Variants in BATF3 observed in about 807,000 individuals in gnomAD.
BATF3 encodes basic leucine zipper ATF-like transcription factor 3, also known as basic leucine zipper transcriptional factor ATF-like 3.
In BATF3, 8 loss-of-function variants were observed where a neutral mutation model predicts 16.1. The ratio of observed to expected loss-of-function variants is 0.50; its 90% CI spans 0.29 to 0.90. BATF3 has a LOEUF of 0.90. Among genes scored for constraint, BATF3 ranks in the 40% least tolerant of loss-of-function variants. BATF3 has a pLI of 0.08. For synonymous variants in BATF3, 74 were observed against 72.7 expected (o/e 1.02, Z -0.09); for missense variants, 139 against 167.0 (o/e 0.83, Z 0.92).
At chr1:212,698,537 C>T (rs1657183188) in intron 1 of BATF3, 1 of 152,160 alleles carries the variant, frequency 6.6e-6, no homozygotes, top group Non-Finnish European at 1.5e-5. Flanking sequence ...TCCTAAAGCT[C>T]CCAGCATACA....
chr1:212,697,102 C>T, intron 1 of BATF3, 37 bp from the exon 2 acceptor site: 2 of 1,546,838 alleles, frequency 1.3e-6, no homozygotes, highest in Non-Finnish European at 1.8e-6. Flanking sequence ...ATGTCGTGGC[C>T]CCTCGCCTTA....
chr1:212,694,426 T>C (rs1657078073), intron 2 of BATF3, among the ~76,000 whole-genome samples: 1 of 152,194 alleles, frequency 6.6e-6, no homozygotes, highest in Non-Finnish European at 1.5e-5. Flanking sequence ...CCTCTCTTTG[T>C]GACCCAATGG....
At chr1:212,691,247 T>G (rs1314164601) in intron 2 of BATF3, among the ~76,000 whole-genome samples, 1 of 151,804 alleles carries the variant, frequency 6.6e-6, no homozygotes, top group Non-Finnish European at 1.5e-5. Flanking sequence ...AAGAAAGAAG[T>G]AGGAACAGGC....
At chr1:212,687,215 T>A (rs569925429) in intron 2 of BATF3, among the ~76,000 whole-genome samples, 7 of 152,318 alleles carry the variant, frequency 4.6e-5, no homozygotes, top group African/African-American at 1.7e-4. Context: ...TTAAGTATGA[T>A]CCAGTGAGTT....
chr1:212,694,404 T>A (rs1022969551), intron 2 of BATF3, among the ~76,000 whole-genome samples: 1 of 152,020 alleles, frequency 6.6e-6, no homozygotes, highest in Admixed American at 6.5e-5. Flanking sequence ...AGGCAAGGCA[T>A]GAGATCTTCC....
intron 2 of BATF3, among the ~76,000 whole-genome samples, chr1:212,691,975 C>CG (rs1657009153): frequency 6.6e-6 from 1 of 152,256 alleles, no homozygotes; most frequent in African/African-American, 2.4e-5. Flanking sequence ...CCACAGTGGA[C>CG]TCTGAGGTCT....
chr1:212,689,389 G>T lies in BATF3; in HGVS notation c.196-2410C>A, dbSNP rs553571268. On this transcript the variant is annotated intron_variant, in intron 2 of 2. Coordinates refer to ENST00000243440, the MANE Select transcript of BATF3 (RefSeq NM_018664.3). The surrounding 1 kb of genome is among the most constrained non-coding windows in gnomAD (Gnocchi z 4.6). ...GTCTATCTGAGCCATTCCCCAGGCA[G>T]GTTCCCAGGGTGGTCTGGAGCACTC... Among the ~76,000 whole-genome samples the T allele has an allele frequency of 5.9e-5, 9 of 152,298 alleles. No individual in the cohort carries two copies. In the East Asian group the frequency reaches 1.7e-3, roughly 29 times the overall value.
rs549751227 is a variant in BATF3, at chr1:212,699,264, C to T, written c.90+409G>A. Reference sequence around the variant, plus strand: ...TCCATTCCCGCGGCAGCACCCCCCCCACCCGGGGGAATCCTGGAGGGGCTA... The same window carrying T: ...TCCATTCCCGCGGCAGCACCCCCCCTACCCGGGGGAATCCTGGAGGGGCTA... On this transcript the variant is annotated intron_variant, in intron 1 of 2. Transcript: ENST00000243440. This position sits in a 1 kb window ranked among gnomAD's most constrained non-coding sequence, Gnocchi z 4.4. Among the ~76,000 whole-genome samples, 4 of 152,170 alleles carry T rather than the reference C, an allele frequency of 2.6e-5. No individual in the cohort carries two copies. The highest frequency in any genetic ancestry group is 1.3e-4 in the Admixed American group (2 of 15,290).
chr1:212,696,926 G>T, intron 2 of BATF3, 35 bp downstream of exon 2: 1 of 1,524,468 alleles, frequency 6.6e-7, no homozygotes, highest in Non-Finnish European at 9.1e-7. Flanking sequence ...GAGGCTGTGT[G>T]GCTCTAAGGT....
At position 212,699,755 on chromosome 1, in the gene BATF3, T is replaced by C; in HGVS notation, c.8A>G (p.Gln3Arg). MS[Q>R]GLPAAGSVLQ... ...GACGCTGCCGGCGGCCGGGAGCCCT[T>C]GCGACATGCCGGGCGCTCCTCTGGC... Residue 3 changes from glutamine (Q) to arginine (R), a missense_variant, in exon 1 of 3, where the codon CAA becomes CGA. Gln to Arg is a conservative substitution (Grantham distance 43). Transcript: ENST00000243440. The surrounding 1 kb of genome is among the most constrained non-coding windows in gnomAD (Gnocchi z 4.4). 7.8e-7 allele frequency: 1 copy of C among 1,277,550 alleles called. No homozygotes were observed. Among genetic ancestry groups the C allele is most frequent in the Non-Finnish European group, 9.9e-7 (1 of 1,010,010 alleles). 79.1% of individuals were successfully genotyped at this position (1,277,550 alleles called of 1,614,324 possible). A position where few individuals can be genotyped will look rare whatever the true frequency, so the allele number is the denominator to read the frequency against.
At chr1:212,691,999 A>T (rs1053444656) in intron 2 of BATF3, among the ~76,000 whole-genome samples, 1 of 152,238 alleles carries the variant, frequency 6.6e-6, no homozygotes, top group Non-Finnish European at 1.5e-5. Context: ...GACACACGTT[A>T]AGAACTGCTT....
At chr1:212,691,597 A>G (rs1656999775) in intron 2 of BATF3, among the ~76,000 whole-genome samples, 1 of 152,274 alleles carries the variant, frequency 6.6e-6, no homozygotes, top group African/African-American at 2.4e-5. Flanking sequence ...TCTAAGCCAC[A>G]TGGGTGCTGC....
chr1:212,693,634 G>A (rs11119997), intron 2 of BATF3, among the ~76,000 whole-genome samples: 10,589 of 152,180 alleles, frequency 0.07, 471 homozygotes, highest in Non-Finnish European at 0.11. Flanking sequence ...TCTCTGGGTT[G>A]GAGAGCAGGC....
In BATF3 at chr1:212,699,695, G is replaced by A. The variant is rs1657224140; in HGVS notation, c.68C>T (p.Pro23Leu). 2 of 1,350,768 alleles carry A rather than the reference G, an allele frequency of 1.5e-6. No homozygotes were observed. The highest frequency in any genetic ancestry group is 1.9e-6 in the Non-Finnish European group (2 of 1,046,856). The allele number at this position is 1,350,768 out of a possible 1,614,324, so 83.7% of individuals were successfully genotyped here. ...QRSVAAPGNQPQPQPQQQSPE... is the reference protein window; with the variant it reads ...QRSVAAPGNQLQPQPQQQSPE... ...TACCTGCTGCTGCGGCTGCGGCTGC[G>A]GCTGGTTCCCGGGCGCCGCGACGCT... The change falls in exon 1 of 3, where the codon CCG becomes CTG. Residue 23 changes from proline to leucine, a missense_variant. Physicochemically the swap from Pro to Leu is moderately conservative, Grantham distance 98. Coordinates refer to ENST00000243440, the MANE Select transcript of BATF3 (RefSeq NM_018664.3). This position sits in a 1 kb window ranked among gnomAD's most constrained non-coding sequence, Gnocchi z 4.4.
chr1:212,696,937 G>A, intron 2 of BATF3, 24 bp downstream of exon 2: 1 of 1,589,716 alleles, frequency 6.3e-7, no homozygotes, highest in Non-Finnish European at 8.6e-7. Context: ...GCTCTAAGGT[G>A]GCTTGCCCCT....
rs1341317457 is a variant in BATF3, at chr1:212,689,810, GAC to G, written c.196-2833_196-2832del. On this transcript the variant is annotated intron_variant, in intron 2 of 2. Coordinates refer to ENST00000243440, the MANE Select transcript of BATF3 (RefSeq NM_018664.3). This position sits in a 1 kb window ranked among gnomAD's most constrained non-coding sequence, Gnocchi z 4.6. ...ACTCACACACTCTCATACACAGCCC[GAC>G]ACACACACTCTCACACACACACACT... Among the ~76,000 whole-genome samples, 9 of 146,876 alleles carry G rather than the reference GAC, an allele frequency of 6.1e-5. No homozygotes were observed. Among genetic ancestry groups the G allele is most frequent in the African/African-American group, 1.0e-4 (4 of 38,838 alleles).
chr1:212,699,131 C>G lies in BATF3; in HGVS notation c.90+542G>C, dbSNP rs774835002. On this transcript the variant is annotated intron_variant, in intron 1 of 2. Coordinates refer to ENST00000243440, the MANE Select transcript of BATF3 (RefSeq NM_018664.3). The surrounding 1 kb of genome is among the most constrained non-coding windows in gnomAD (Gnocchi z 4.4). ...TCCTTCCTGACTGCGCCGCTGTAAA[C>G]GTTGCTAGGGGACAGCGAACTGGGA... 1.3e-5 allele frequency among the ~76,000 whole-genome samples: 2 copies of G among 152,380 alleles called. No individual in the cohort carries two copies. Among genetic ancestry groups the G allele is most frequent in the Non-Finnish European group, 2.9e-5 (2 of 68,030 alleles).
chr1:212,699,636 G>A lies in BATF3; in HGVS notation c.90+37C>T. 2 of 1,268,640 alleles carry A rather than the reference G, an allele frequency of 1.6e-6. No individual in the cohort carries two copies. The highest frequency in any genetic ancestry group is 4.2e-5 in the Admixed American group (1 of 23,802). The allele number at this position is 1,268,640 out of a possible 1,614,324, so 78.6% of individuals were successfully genotyped here. A position where few individuals can be genotyped will look rare whatever the true frequency, so the allele number is the denominator to read the frequency against. On this transcript the variant is annotated intron_variant, in intron 1 of 2. Coordinates refer to ENST00000243440, the MANE Select transcript of BATF3 (RefSeq NM_018664.3). This position sits in a 1 kb window ranked among gnomAD's most constrained non-coding sequence, Gnocchi z 4.4. ...CGCCCCCCGCGGCGCGCCGGTCCCC[G>A]CACCCCACGGCCCTCCCTGAGCCTC...
chr1:212,697,303 G>A, intron 1 of BATF3: 2 of 457,108 alleles, frequency 4.4e-6, no homozygotes, highest in Non-Finnish European at 7.9e-6. Flanking sequence ...GAAACTCAGA[G>A]AGGTTAAGGA....
Sources: gnomAD v4.1 joint callset for allele counts (sites outside exome capture counted in the v4.1 genomes callset) on GRCh38, gnomAD v4.1.1 for gene constraint, Gnocchi (gnomAD v3.1) non-coding constraint, MANE v1.5 for transcripts, NCBI Gene and HGNC (gene_info 2026-07-23, HGNC 2026-07-21) for gene names.